Variants in ATP6V0A1 observed in about 807,000 individuals in gnomAD.
ATP6V0A1 encodes ATPase H+ transporting V0 subunit a1, also known as V-type proton ATPase 116 kDa subunit a 1.
ATP6V0A1 carries 43 observed loss-of-function variants against 105.4 expected under a neutral mutation model. The observed-to-expected ratio is 0.41, with a 90% CI of 0.32 to 0.53. The LOEUF is 0.53. ATP6V0A1 is among the 20% of genes least tolerant of loss of function. The probability of loss-of-function intolerance (pLI) is 0.30; values close to 1 mark genes in which losing one functional copy is unlikely to be tolerated. For missense variants in ATP6V0A1, 676 were observed against 1,051.1 expected, an observed-to-expected ratio of 0.64 and a Z score of 4.93; for synonymous variants, 362 against 372.8, an observed-to-expected ratio of 0.97 and a Z score of 0.33.
At chr17:42,506,997 G>A (rs1426464248) in intron 17 of ATP6V0A1, among the ~76,000 whole-genome samples, 1 of 152,138 alleles carries the variant, frequency 6.6e-6, no homozygotes, top group Non-Finnish European at 1.5e-5. Flanking sequence ...GAAGCTTTTT[G>A]TTCCTGGGCA....
At chr17:42,503,342 T>C (rs2091821893) in intron 17 of ATP6V0A1, among the ~76,000 whole-genome samples, 1 of 152,246 alleles carries the variant, frequency 6.6e-6, no homozygotes, top group Admixed American at 6.5e-5. Flanking sequence ...ACCTTCTTTT[T>C]GAAAGTGAAA....
chr17:42,473,696 G>T (rs1347983265), intron 5 of ATP6V0A1, among the ~76,000 whole-genome samples: 2 of 152,164 alleles, frequency 1.3e-5, no homozygotes, highest in Non-Finnish European at 2.9e-5. Context: ...GACCTCGTAA[G>T]TTTAAGAATG....
chr17:42,462,027 G>C (rs2086467072), intron 2 of ATP6V0A1, among the ~76,000 whole-genome samples: 1 of 148,354 alleles, frequency 6.7e-6, no homozygotes, highest in Non-Finnish European at 1.5e-5. Flanking sequence ...GGCAACATAG[G>C]GAGATCCCGT....
intron 5 of ATP6V0A1, among the ~76,000 whole-genome samples, chr17:42,474,583 A>T (rs1001623336): frequency 1.7e-4 from 26 of 152,218 alleles, no homozygotes; most frequent in African/African-American, 5.8e-4. Flanking sequence ...GCATCTGCAC[A>T]TGCGCGTGCA....
intron 7 of ATP6V0A1, among the ~76,000 whole-genome samples, chr17:42,479,296 A>G (rs982076729): frequency 6.6e-6 from 1 of 152,218 alleles, no homozygotes; most frequent in African/African-American, 2.4e-5. Flanking sequence ...TTTACTTGGT[A>G]AAGTTTTTTT....
Position 42,484,217 on chromosome 17 carries a change from C to T in ATP6V0A1, c.810+1086C>T, listed in dbSNP as rs566563495. ...GGACTACAGGGGCCCGCCACACGCCCGGCTAATTTTTTGTATTTTTTAGTA... is the reference window on the plus strand; with the variant it reads ...GGACTACAGGGGCCCGCCACACGCCTGGCTAATTTTTTGTATTTTTTAGTA... On this transcript the variant is annotated intron_variant, in intron 9 of 21. Transcript: ENST00000343619. Among the ~76,000 whole-genome samples, 303 of 151,962 alleles carry T rather than the reference C, an allele frequency of 2.0e-3. 1 individual carries two copies. The highest frequency in any genetic ancestry group is 6.9e-3 in the African/African-American group (286 of 41,452).
intron 20 of ATP6V0A1, 136 bp downstream of exon 20, chr17:42,514,114 G>A (rs2092490065): frequency 2.4e-6 from 3 of 1,262,864 alleles, no homozygotes; most frequent in African/African-American, 3.0e-5. Flanking sequence ...AGGAGAATGA[G>A]TACAGACAGG....
At position 42,495,099 on chromosome 17, in the gene ATP6V0A1, T is replaced by C; in HGVS notation, c.1380T>C (p.Thr460=). 6.2e-7 allele frequency: 1 copy of C among 1,613,948 alleles called. No individual in the cohort carries two copies. The highest frequency in any genetic ancestry group is 8.5e-7 in the Non-Finnish European group (1 of 1,179,784). The change falls in exon 13 of 22, where the codon ACT becomes ACC. Residue 460 remains threonine, a synonymous_variant. Transcript: ENST00000343619. ...ILLMGVFSMY[T]GLIYNDCFSK... Reference sequence around the variant, plus strand: ...TGATGGGTGTGTTCTCCATGTACACTGGCCTCATCTACAATGATTGCTTTT... The same window carrying C: ...TGATGGGTGTGTTCTCCATGTACACCGGCCTCATCTACAATGATTGCTTTT...
At chr17:42,489,866 T>C (rs2090465343) in intron 10 of ATP6V0A1, among the ~76,000 whole-genome samples, 1 of 151,908 alleles carries the variant, frequency 6.6e-6, no homozygotes, top group Non-Finnish European at 1.5e-5. Context: ...AAAAAAAGGT[T>C]GGGGTCTTGC....
intron 5 of ATP6V0A1, 104 bp from the exon 6 acceptor site, chr17:42,477,556 T>C (rs2088913722): frequency 8.4e-7 from 1 of 1,191,048 alleles, no homozygotes; most frequent in Non-Finnish European, 1.2e-6. Context: ...TTCATCCTTA[T>C]TTTCTGAACC....
chr17:42,486,376 A>G (rs905100875), intron 9 of ATP6V0A1, among the ~76,000 whole-genome samples: 12 of 151,732 alleles, frequency 7.9e-5, no homozygotes, highest in African/African-American at 2.9e-4. Context: ...ACGCCACTGC[A>G]CTCCAGCCTG....
At chr17:42,512,114 C>T (rs1007114008) in intron 19 of ATP6V0A1, among the ~76,000 whole-genome samples, 26 of 152,136 alleles carry the variant, frequency 1.7e-4, no homozygotes, top group Admixed American at 1.1e-3. Flanking sequence ...GACTCTGCAG[C>T]GATTCATGGT....
intron 5 of ATP6V0A1, among the ~76,000 whole-genome samples, chr17:42,475,769 A>G (rs1349828909): frequency 6.6e-6 from 1 of 152,222 alleles, no homozygotes; most frequent in Non-Finnish European, 1.5e-5. Context: ...TCTCTCTAAG[A>G]TAGAATTCTT....
At chr17:42,511,476 TGTG>T (rs2092341486) in intron 19 of ATP6V0A1, 1 of 151,118 alleles carries the variant, frequency 6.6e-6, no homozygotes, top group Admixed American at 6.6e-5. Context: ...AGGCAGAGGT[TGTG>T]GTGAGCTGAG....
intron 21 of ATP6V0A1, 51 bp downstream of exon 21, chr17:42,514,511 G>A (rs771160499): frequency 4.0e-6 from 6 of 1,491,910 alleles, no homozygotes; most frequent in Non-Finnish European, 5.4e-6. Context: ...GTCCTTAGCT[G>A]CGGTGAGAGG....
chr17:42,484,859 T>A (rs1222441067), intron 9 of ATP6V0A1, among the ~76,000 whole-genome samples: 1 of 150,628 alleles, frequency 6.6e-6, no homozygotes, highest in Middle Eastern at 3.2e-3. Context: ...TTTCTTTTTT[T>A]TTTTTTTTGA....
intron 9 of ATP6V0A1, among the ~76,000 whole-genome samples, chr17:42,486,546 C>T (rs1253117425): frequency 6.6e-6 from 1 of 152,196 alleles, no homozygotes; most frequent in Non-Finnish European, 1.5e-5. Flanking sequence ...CAACACTGAA[C>T]CATTTTTTCC....
At chr17:42,467,661 A>G (rs572525587) in intron 3 of ATP6V0A1, among the ~76,000 whole-genome samples, 59 of 152,282 alleles carry the variant, frequency 3.9e-4, no homozygotes, top group African/African-American at 1.3e-3. Context: ...TGCTTTGCCA[A>G]TAATATCTAT....
chr17:42,495,259 G>A lies in ATP6V0A1; in HGVS notation c.1469+71G>A, dbSNP rs1598946904. 8 of 1,512,306 alleles carry A rather than the reference G, an allele frequency of 5.3e-6. No homozygotes were observed. In the South Asian group the frequency reaches 5.9e-5, roughly 11 times the overall value. The allele number at this position is 1,512,306 out of a possible 1,614,324, so 93.7% of individuals were successfully genotyped here. On this transcript the variant is annotated intron_variant, in intron 13 of 21. Transcript: ENST00000343619. ...TGCAGCCCTGATTTTTAAGACAAGT[G>A]GTAAACTGACACTTCTTTAGGAAGT...
Sources: gnomAD v4.1 joint callset for allele counts (sites outside exome capture counted in the v4.1 genomes callset) on GRCh38, gnomAD v4.1.1 for gene constraint, MANE v1.5 for transcripts, NCBI Gene and HGNC (gene_info 2026-07-23, HGNC 2026-07-21) for gene names.